Variants in CENPN observed in about 807,000 individuals in gnomAD.
CENPN encodes centromere protein N, also known as interphase centromere complex protein 32.
CENPN carries 36 observed loss-of-function variants against 48.6 expected under a neutral mutation model. The observed-to-expected ratio is 0.74, with a 90% confidence interval of 0.57 to 0.98. The LOEUF (loss-of-function observed/expected upper bound fraction) is 0.98, where lower values mean the gene tolerates loss of function less well. Among genes scored for constraint, CENPN ranks in the 50% least tolerant of loss-of-function variants. The pLI is 0.00. For synonymous variants in CENPN, 166 were observed against 135.2 expected, an observed-to-expected ratio of 1.23 and a Z score of -1.58; for missense variants, 439 against 399.2, an observed-to-expected ratio of 1.10 and a Z score of -0.85.
At chr16:81,011,674 A>G (rs909220515) in intron 1 of CENPN, among the ~76,000 whole-genome samples, 6 of 152,226 alleles carry the variant, frequency 3.9e-5, no homozygotes, top group Admixed American at 1.3e-4. Context: ...GTAAACATTT[A>G]GGTGTTGGAC....
At position 81,029,130 on chromosome 16, in the gene CENPN, A is replaced by T; in HGVS notation, c.*479A>T. ...TTTAGGAGAATCATGAAATTGGTCTATTCAAAGGATGGAGTTGAGTCCATT... is the reference window on the plus strand; with the variant it reads ...TTTAGGAGAATCATGAAATTGGTCTTTTCAAAGGATGGAGTTGAGTCCATT... On this transcript the variant is annotated 3_prime_UTR_variant, in exon 11 of 11. Coordinates refer to ENST00000305850, the MANE Select transcript of CENPN (RefSeq NM_001100624.3). 1 of 985,716 alleles carries T rather than the reference A, an allele frequency of 1.0e-6. No individual in the cohort carries two copies. Among genetic ancestry groups the T allele is most frequent in the Non-Finnish European group, 1.2e-6 (1 of 830,140 alleles). The allele number at this position is 985,716 out of a possible 1,614,324, so 61.1% of individuals were successfully genotyped here.
intron 8 of CENPN, among the ~76,000 whole-genome samples, chr16:81,026,153 A>ATATATATGTGTGTATATATG (rs1555522758): frequency 7.4e-6 from 1 of 135,294 alleles, no homozygotes; most frequent in African/African-American, 3.3e-5. Flanking sequence ...GTATATATAT[A>ATATATATGTGTGTATATATG]TGTGTATATA....
Position 81,026,605 on chromosome 16 carries a change from T to A in CENPN, c.777T>A (p.Tyr259Ter). The change falls in exon 9 of 11, where the codon TAT becomes TAA. Residue 259 changes from tyrosine (Y) to a stop codon, truncating the protein, a stop_gained. Transcript: ENST00000305850. LOFTEE classifies it high-confidence loss of function. ...TAACTCAAGAAACATTTGGAGATTA[T>A]CCTCAACCACAACTAGAATTTGCAC... ...QRITQETFGD[Y>*]PQPQLEFAQY... The A allele has an allele frequency of 6.2e-7, 1 of 1,600,366 alleles. No individual in the cohort carries two copies. Among genetic ancestry groups the A allele is most frequent in the Non-Finnish European group, 8.6e-7 (1 of 1,169,428 alleles).
At chr16:81,015,897 C>T (rs527714822) in intron 3 of CENPN, among the ~76,000 whole-genome samples, 41 of 151,860 alleles carry the variant, frequency 2.7e-4, no homozygotes, top group African/African-American at 7.5e-4. Context: ...ATCTGCTATT[C>T]GGGAGGCTGA....
At chr16:81,028,351 C>T in intron 10 of CENPN, 54 bp downstream of exon 10, 5 of 1,596,036 alleles carry the variant, frequency 3.1e-6, no homozygotes, top group Non-Finnish European at 4.3e-6. Flanking sequence ...TGCCTCCATT[C>T]CATCCTTATA....
At position 81,031,341 on chromosome 16, in the gene CENPN, A is replaced by G. The variant is rs527945702; in HGVS notation, c.*2690A>G. On this transcript the variant is annotated 3_prime_UTR_variant, in exon 11 of 11. Coordinates refer to ENST00000305850, the MANE Select transcript of CENPN (RefSeq NM_001100624.3). ...TAAGCCAGTTGCCTCTTTCAAAACA[A>G]CTTGTCAACTTGTCTAATCACCCTC... The G allele has an allele frequency of 6.6e-6, 1 of 152,258 alleles. No individual in the cohort carries two copies. Among genetic ancestry groups the G allele is most frequent in the South Asian group, 2.1e-4 (1 of 4,824 alleles). 9.4% of individuals were successfully genotyped at this position (152,258 alleles called of 1,614,324 possible).
intron 5 of CENPN, 24 bp downstream of exon 5, chr16:81,017,858 C>T: frequency 7.3e-7 from 1 of 1,365,772 alleles, no homozygotes; most frequent in Non-Finnish European, 1.0e-6. Flanking sequence ...TCATCTTTTA[C>T]ATAAAATTCA....
intron 5 of CENPN, 91 bp from the exon 6 acceptor site, chr16:81,020,009 A>G: frequency 2.7e-6 from 3 of 1,098,592 alleles, no homozygotes; most frequent in Non-Finnish European, 3.9e-6. Flanking sequence ...GTATAGGGAC[A>G]TCATTGTTCA....
intron 1 of CENPN, among the ~76,000 whole-genome samples, chr16:81,009,694 G>A (rs1250691472): frequency 6.6e-6 from 1 of 152,314 alleles, no homozygotes; most frequent in Admixed American, 6.5e-5. Context: ...AAGTGGACAA[G>A]GATAATTTTT....
chr16:81,014,011 TG>T, intron 2 of CENPN, 124 bp from the exon 3 acceptor site: 1 of 604,602 alleles, frequency 1.7e-6, no homozygotes, highest in Non-Finnish European at 3.0e-6. Context: ...AGATTGGAGA[TG>T]GGTTGTCAGT....
downstream of CENPN, chr16:81,032,553 T>TG (rs1227550335): frequency 3.9e-6 from 6 of 1,555,768 alleles, no homozygotes; most frequent in African/African-American, 5.8e-5. Context: ...TGATTTTCAG[T>TG]GTTTTTTTTT....
rs1373328627 is a variant in CENPN, at chr16:81,030,885, C to T, written c.*2234C>T. On this transcript the variant is annotated 3_prime_UTR_variant, in exon 11 of 11. Coordinates refer to ENST00000305850, the MANE Select transcript of CENPN (RefSeq NM_001100624.3). Reference sequence around the variant, plus strand: ...ATGGTGAAGGTGAACCCCGACTCTACTAAAAATACAAAAATTAGCTGGGCC... The same window carrying T: ...ATGGTGAAGGTGAACCCCGACTCTATTAAAAATACAAAAATTAGCTGGGCC... 2.6e-5 allele frequency: 4 copies of T among 151,956 alleles called. No individual in the cohort carries two copies. The highest frequency in any genetic ancestry group is 9.7e-5 in the African/African-American group (4 of 41,326). 9.4% of individuals were successfully genotyped at this position (151,956 alleles called of 1,614,324 possible). A position where few individuals can be genotyped will look rare whatever the true frequency, so the allele number is the denominator to read the frequency against.
downstream of CENPN, chr16:81,032,649 G>A: frequency 6.2e-7 from 1 of 1,613,810 alleles, no homozygotes; most frequent in Non-Finnish European, 8.5e-7. Flanking sequence ...GCAGCTGGCA[G>A]AAGGACTTGT....
chr16:81,012,340 A>G (rs968804966), intron 2 of CENPN, among the ~76,000 whole-genome samples: 1 of 152,240 alleles, frequency 6.6e-6, no homozygotes, highest in African/African-American at 2.4e-5. Flanking sequence ...AGTAGAAAAA[A>G]CAGTACAAAT....
Position 81,017,835 on chromosome 16 carries a change from G to A in CENPN, c.354+1G>A. The A allele has an allele frequency of 1.3e-6, 2 of 1,492,370 alleles. No individual in the cohort carries two copies. Among genetic ancestry groups the A allele is most frequent in the Non-Finnish European group, 1.8e-6 (2 of 1,084,772 alleles). The allele number at this position is 1,492,370 out of a possible 1,614,324, so 92.4% of individuals were successfully genotyped here. ...AATTCTTCAGAGAGCATTAAAAAAT[G>A]TAAGAATAAAATTCATCTTTTACAT... On this transcript the variant is annotated splice_donor_variant, in intron 5 of 10. Coordinates refer to ENST00000305850, the MANE Select transcript of CENPN (RefSeq NM_001100624.3). LOFTEE classifies it high-confidence loss of function.
chr16:81,015,104 C>G (rs996146858), intron 3 of CENPN, among the ~76,000 whole-genome samples: 1 of 152,226 alleles, frequency 6.6e-6, no homozygotes, highest in African/African-American at 2.4e-5. Flanking sequence ...CAAGAAGCAT[C>G]TGTATTATTA....
rs965898362 is a variant in CENPN at position 81,029,979 on chromosome 16, C to G, written c.*1328C>G. Among the ~76,000 whole-genome samples the G allele has an allele frequency of 6.6e-6, 1 of 152,156 alleles. No homozygotes were observed. Among genetic ancestry groups the G allele is most frequent in the South Asian group, 2.1e-4 (1 of 4,832 alleles). ...GAGGCCTCACAATCATGGTGGAAGG[C>G]AAATGAGAAGCAAAGTCATGTCTTA... On this transcript the variant is annotated 3_prime_UTR_variant, in exon 11 of 11. Transcript: ENST00000305850.
intron 7 of CENPN, chr16:81,024,486 A>G: frequency 2.7e-6 from 1 of 369,532 alleles, no homozygotes. Context: ...CACCAGATCC[A>G]TTTCTATGAT....
rs146994969 is a variant in CENPN at position 81,028,883 on chromosome 16, C to CAT, written c.*243_*244dup. On this transcript the variant is annotated 3_prime_UTR_variant, in exon 11 of 11. Transcript: ENST00000305850. ...CGTTGTGGCATTTGAGATGACAGGA[C>CAT]ATATATATATATGGCCCCACACTTG... The CAT allele has an allele frequency of 1.6e-4, 205 of 1,251,518 alleles. No homozygotes were observed. The highest frequency in any genetic ancestry group is 9.5e-4 in the Middle Eastern group (3 of 3,154). The allele number at this position is 1,251,518 out of a possible 1,614,324, so 77.5% of individuals were successfully genotyped here. A position where few individuals can be genotyped will look rare whatever the true frequency, so the allele number is the denominator to read the frequency against.
Sources: gnomAD v4.1 joint callset for allele counts (sites outside exome capture counted in the v4.1 genomes callset) on GRCh38, gnomAD v4.1.1 for gene constraint, MANE v1.5 for transcripts, NCBI Gene and HGNC (gene_info 2026-07-23, HGNC 2026-07-21) for gene names.